STAM2: variants seen among roughly 807,000 people sequenced by gnomAD.
STAM2 encodes the protein signal transducing adapter molecule 2.
Under a neutral mutation model 65.6 loss-of-function variants are expected in STAM2, and 51 were observed. That is an observed-to-expected ratio of 0.78 (90% CI 0.62 to 0.98). STAM2 has a LOEUF of 0.98. STAM2 is among the 50% of genes least tolerant of loss of function. The pLI, the probability that STAM2 is intolerant of heterozygous loss-of-function variation, is 0.00. For missense variants in STAM2, 584 were observed against 617.8 expected (o/e 0.95, Z 0.58); for synonymous variants, 198 against 208.4 (o/e 0.95, Z 0.43).
At position 152,133,398 on chromosome 2, in the gene STAM2, C is replaced by G; in HGVS notation, c.882+4G>C. The G allele has an allele frequency of 6.2e-7, 1 of 1,608,384 alleles. No individual in the cohort carries two copies. Among genetic ancestry groups the G allele is most frequent in the Non-Finnish European group, 8.5e-7 (1 of 1,176,330 alleles). Reference sequence around the variant, plus strand: ...TTAACTATTAAACAAAAGAGGGACCCTACCTCATCTATATAAACAGGCTCA... The same window carrying G: ...TTAACTATTAAACAAAAGAGGGACCGTACCTCATCTATATAAACAGGCTCA... On this transcript the variant is annotated splice_donor_region_variant and intron_variant, in intron 9 of 13. Transcript: ENST00000263904.
At chr2:152,139,739 G>A (rs991147511) in intron 7 of STAM2, among the ~76,000 whole-genome samples, 2 of 152,170 alleles carry the variant, frequency 1.3e-5, no homozygotes, top group Admixed American at 1.3e-4. Context: ...CATACGTAAA[G>A]AAGCGCAGTT....
rs1689241213 is a variant in STAM2, at chr2:152,141,242, A to C, written c.704+2585T>G. Among the ~76,000 whole-genome samples, 4 of 151,442 alleles carry C rather than the reference A, an allele frequency of 2.6e-5. No individual in the cohort carries two copies. In the South Asian group the frequency reaches 8.3e-4, roughly 32 times the overall value. On this transcript the variant is annotated intron_variant, in intron 7 of 13. Transcript: ENST00000263904. ...TCTTGATATACTCCATTAATAAAAA[A>C]TGTGCGCCTTTGGGCCGGCACAGTG...
rs1468851326 is a variant in STAM2, at chr2:152,133,425, G to C, written c.859C>G (p.Pro287Ala). Residue 287 changes from proline to alanine, a missense_variant, in exon 9 of 14, where the codon CCT (proline) becomes GCT (alanine). Coordinates refer to ENST00000263904, the MANE Select transcript of STAM2 (RefSeq NM_005843.6). ...ACCTCATCTATATAAACAGGCTCAGGCTCTGATTTCTTAATTTCCTCCACA... is the reference window on the plus strand; with the variant it reads ...ACCTCATCTATATAAACAGGCTCAGCCTCTGATTTCTTAATTTCCTCCACA... ...DDVEEIKKSE[P>A]EPVYIDEDKM... 6.2e-7 allele frequency: 1 copy of C among 1,612,322 alleles called. No individual in the cohort carries two copies. Among genetic ancestry groups the C allele is most frequent in the Non-Finnish European group, 8.5e-7 (1 of 1,179,108 alleles).
At chr2:152,140,995 C>T (rs533469156) in intron 7 of STAM2, among the ~76,000 whole-genome samples, 3 of 151,618 alleles carry the variant, frequency 2.0e-5, no homozygotes, top group East Asian at 3.9e-4. Context: ...AAAAATTAGC[C>T]GGGCATGGTG....
Position 152,144,931 on chromosome 2 carries a change from ACC to A in STAM2, c.472_473del (p.Gly158TyrfsTer10). On this transcript the variant is annotated frameshift_variant, in exon 6 of 14. Coordinates refer to ENST00000263904, the MANE Select transcript of STAM2 (RefSeq NM_005843.6). LOFTEE classifies it high-confidence loss of function. ...CCTCTTTGTTTTTGTTCGATGACGTACCATTCTTGGCAGCAGCTGAGACAGTC... is the reference window on the plus strand; with the variant it reads ...CCTCTTTGTTTTTGTTCGATGACGTAATTCTTGGCAGCAGCTGAGACAGTC... ...SQTVSAAAKN[G>X]TSSNKNKEDE... is the part of the protein sequence containing the mutation. 1 of 1,614,020 alleles carries A rather than the reference ACC, an allele frequency of 6.2e-7. No individual in the cohort carries two copies. Among genetic ancestry groups the A allele is most frequent in the East Asian group, 2.2e-5 (1 of 44,870 alleles).
At chr2:152,129,625 T>A (rs1689021877) in intron 11 of STAM2, among the ~76,000 whole-genome samples, 1 of 152,216 alleles carries the variant, frequency 6.6e-6, no homozygotes. Context: ...GGACATACAC[T>A]CAGCCCTCCA....
Position 152,117,346 on chromosome 2 carries a change from G to A in STAM2, c.*3228C>T, listed in dbSNP as rs996675262. The A allele has an allele frequency of 2.0e-4, 30 of 152,094 alleles. No individual in the cohort carries two copies. The highest frequency in any genetic ancestry group is 1.8e-3 in the Admixed American group (27 of 15,254). The allele number at this position is 152,094 out of a possible 1,614,324, so 9.4% of individuals were successfully genotyped here. On this transcript the variant is annotated 3_prime_UTR_variant, in exon 14 of 14. Transcript: ENST00000263904. ...GGCTAAGTTTTAAAATTTTTGTAGAGATAGGGTCTTGCCATGTTGCCAGGT... is the reference window on the plus strand; with the variant it reads ...GGCTAAGTTTTAAAATTTTTGTAGAAATAGGGTCTTGCCATGTTGCCAGGT...
intron 11 of STAM2, 133 bp from the exon 12 acceptor site, chr2:152,126,512 T>C (rs1231715437): frequency 2.0e-6 from 1 of 512,272 alleles, no homozygotes; most frequent in East Asian, 3.7e-5. Context: ...TGAAAGAATA[T>C]TCACAAAGGG....
intron 8 of STAM2, 46 bp downstream of exon 8, chr2:152,135,463 T>C: frequency 7.5e-7 from 1 of 1,333,336 alleles, no homozygotes; most frequent in South Asian, 1.3e-5. Context: ...AAAATTTAAG[T>C]GAAAAAAACT....
At chr2:152,175,370 C>T (rs1037571419) in intron 1 of STAM2, among the ~76,000 whole-genome samples, 3 of 152,192 alleles carry the variant, frequency 2.0e-5, no homozygotes, top group African/African-American at 7.2e-5. Context: ...GCAAGGAGAA[C>T]GGCCCTTTGA....
intron 10 of STAM2, 110 bp downstream of exon 10, chr2:152,133,063 C>T (rs1013040525): frequency 4.3e-5 from 17 of 398,112 alleles, no homozygotes; most frequent in African/African-American, 2.3e-4. Flanking sequence ...TGTTCCCCAC[C>T]GGAGATTTCT....
chr2:152,123,290 T>C (rs1328637291), intron 13 of STAM2, among the ~76,000 whole-genome samples: 1 of 152,112 alleles, frequency 6.6e-6, no homozygotes, highest in African/African-American at 2.4e-5. Context: ...GAGAATCGCT[T>C]GAACCTGGAA....
chr2:152,153,044 A>G (rs1156746022), intron 1 of STAM2, among the ~76,000 whole-genome samples: 1 of 152,234 alleles, frequency 6.6e-6, no homozygotes, highest in Non-Finnish European at 1.5e-5. Flanking sequence ...CTGCATTGTG[A>G]GAAATAAAAT....
intron 11 of STAM2, among the ~76,000 whole-genome samples, chr2:152,130,343 C>A (rs899292804): frequency 3.5e-4 from 54 of 152,136 alleles, no homozygotes; most frequent in African/African-American, 1.3e-3. Context: ...GCTCCGCCTC[C>A]TGGGTTAACG....
intron 6 of STAM2, 29 bp downstream of exon 6, chr2:152,144,859 C>A: frequency 6.2e-7 from 1 of 1,601,904 alleles, no homozygotes; most frequent in Non-Finnish European, 8.6e-7. Context: ...TTTTAAGCAA[C>A]ACTAAATTAC....
Position 152,123,749 on chromosome 2 carries a change from C to T in STAM2, c.1349+17G>A. ...AAAATTAACACATATAAAATTAACA[C>T]AGCTCCCAAAACTTACCTTAAATAT... On this transcript the variant is annotated intron_variant, in intron 13 of 13. Transcript: ENST00000263904. The T allele has an allele frequency of 6.2e-7, 1 of 1,612,594 alleles. No homozygotes were observed. The highest frequency in any genetic ancestry group is 8.5e-7 in the Non-Finnish European group (1 of 1,179,188).
Position 152,144,013 on chromosome 2 carries a change from G to T in STAM2, c.518C>A (p.Ala173Asp), listed in dbSNP as rs1189304802. The change falls in exon 7 of 14, where the codon GCT (alanine) becomes GAT (aspartate). Residue 173 changes from alanine to aspartate, a missense_variant and splice_region_variant. Coordinates refer to ENST00000263904, the MANE Select transcript of STAM2 (RefSeq NM_005843.6). ...CTGTTCTTGCAGCGATAATTCAATA[G>T]CTAGTTTCAAAAATTAAAATGCAAA... is the stretch of plus-strand genomic sequence containing the variant. ...KNKEDEDIAK[A>D]IELSLQEQKQ... The T allele has an allele frequency of 1.9e-6, 3 of 1,597,884 alleles. No individual in the cohort carries two copies. The South Asian group carries it at 3.5e-5, about 18-fold the overall frequency.
intron 7 of STAM2, among the ~76,000 whole-genome samples, chr2:152,138,603 T>C (rs1689194800): frequency 6.6e-6 from 1 of 152,222 alleles, no homozygotes; most frequent in Non-Finnish European, 1.5e-5. Context: ...ATGAGTCTTA[T>C]GGATGAATTA....
chr2:152,171,124 T>C (rs1689891024), intron 1 of STAM2, among the ~76,000 whole-genome samples: 1 of 152,184 alleles, frequency 6.6e-6, no homozygotes, highest in Admixed American at 6.5e-5. Flanking sequence ...TAAAGAGAAT[T>C]TCTATCTATT....
Sources: gnomAD v4.1 joint callset for allele counts (sites outside exome capture counted in the v4.1 genomes callset) on GRCh38, gnomAD v4.1.1 for gene constraint, MANE v1.5 for transcripts, NCBI Gene and HGNC (gene_info 2026-07-23, HGNC 2026-07-21) for gene names.